IGSF22: variants seen among roughly 807,000 people sequenced by gnomAD.
IGSF22 encodes the protein immunoglobulin superfamily member 22, also known as immunoglobulin superfamily, member 22.
Under a neutral mutation model 127.0 loss-of-function variants are expected in IGSF22, and 119 were observed. The observed-to-expected ratio is 0.94, with a 90% confidence interval of 0.81 to 1.09. IGSF22 has a LOEUF of 1.09. Ranked by LOEUF, IGSF22 falls within the 50% of genes least tolerant of loss-of-function variation. The pLI, the probability that IGSF22 is intolerant of heterozygous loss-of-function variation, is 0.00. For missense variants in IGSF22, 1,518 were observed against 1,716.6 expected, an observed-to-expected ratio of 0.88 and a Z score of 2.04; for synonymous variants, 568 against 664.7, an observed-to-expected ratio of 0.85 and a Z score of 2.24.
At chr11:18,713,314 G>A (rs140706054) in intron 14 of IGSF22, among the ~76,000 whole-genome samples, 13 of 152,020 alleles carry the variant, frequency 8.6e-5, no homozygotes, top group East Asian at 1.9e-4. Context: ...CACTACGCTC[G>A]GCTAATTTTT....
intron 11 of IGSF22, among the ~76,000 whole-genome samples, chr11:18,715,157 T>C (rs1251414295): frequency 6.6e-6 from 1 of 151,946 alleles, no homozygotes; most frequent in African/African-American, 2.4e-5. Context: ...CTGGGGATGG[T>C]TAGAGTCTGA....
chr11:18,715,332 G>A lies in IGSF22; in HGVS notation c.1531+100C>T. ...GACACAAGTTGGTCATGGTCTACAG[G>A]AGGGTTGGAGTTAGTGGGAGGGGGG... On this transcript the variant is annotated intron_variant, in intron 11 of 22. Coordinates refer to ENST00000513874, the MANE Select transcript of IGSF22 (RefSeq NM_173588.4). The A allele has an allele frequency of 2.4e-6, 3 of 1,254,586 alleles. No individual in the cohort carries two copies. The South Asian group carries it at 4.0e-5, about 17-fold the overall frequency. The allele number at this position is 1,254,586 out of a possible 1,614,324, so 77.7% of individuals were successfully genotyped here.
chr11:18,724,201 C>T lies in IGSF22; in HGVS notation c.36G>A (p.Glu12=). Residue 12 remains glutamate, a synonymous_variant, in exon 2 of 23, where the codon GAG becomes GAA. Coordinates refer to ENST00000513874, the MANE Select transcript of IGSF22 (RefSeq NM_173588.4). ...AGCTGGAGAACTCCATGGACACGTG[C>T]TCCTGCAGCATCTGCCGGCTGTGAA... The part of the protein sequence containing the change: ...TTIHSRQMLQ[E]HVSMEFSSST... 6.2e-7 allele frequency: 1 copy of T among 1,613,962 alleles called. No individual in the cohort carries two copies. The highest frequency in any genetic ancestry group is 1.1e-5 in the South Asian group (1 of 91,042).
chr11:18,724,104 C>T, intron 2 of IGSF22, 24 bp downstream of exon 2: 1 of 1,584,950 alleles, frequency 6.3e-7, no homozygotes, highest in African/African-American at 1.3e-5. Flanking sequence ...TTCCCGATCC[C>T]TTCCCTGCCC....
At position 18,716,154 on chromosome 11, in the gene IGSF22, A is replaced by G. The variant is rs1387502232; in HGVS notation, c.1247-438T>C. ...CTGGGGATGTTCTCTACTCTCCCTC[A>G]TTCTTTGAAAGCGGAACTCCTTTTA... On this transcript the variant is annotated intron_variant, in intron 10 of 22. Coordinates refer to ENST00000513874, the MANE Select transcript of IGSF22 (RefSeq NM_173588.4). This position sits in a 1 kb window ranked among gnomAD's most constrained non-coding sequence, Gnocchi z 4.5. 6.6e-6 allele frequency among the ~76,000 whole-genome samples: 1 copy of G among 152,116 alleles called. No individual in the cohort carries two copies. Among genetic ancestry groups the G allele is most frequent in the Non-Finnish European group, 1.5e-5 (1 of 68,016 alleles).
chr11:18,707,697 C>T, intron 20 of IGSF22, 107 bp downstream of exon 20: 1 of 886,424 alleles, frequency 1.1e-6, no homozygotes, highest in Non-Finnish European at 1.7e-6. Context: ...ATCTTCATGG[C>T]CCTAAGGCAT....
In IGSF22 at chr11:18,708,230, G is replaced by C; in HGVS notation, c.3064C>G (p.Leu1022Val). 1 of 1,548,056 alleles carries C rather than the reference G, an allele frequency of 6.5e-7. No individual in the cohort carries two copies. Among genetic ancestry groups the C allele is most frequent in the South Asian group, 1.2e-5 (1 of 83,178 alleles). ...ACAGAGAAGGCTGCATGGATGCAGA[G>C]GGCTGTCCCAGCGCGAACCACCATG... ...SHMVVRAGTALCIHAAFSGSP... is the reference protein window; with the variant it reads ...SHMVVRAGTAVCIHAAFSGSP... Residue 1022 changes from leucine to valine, a missense_variant, in exon 19 of 23, where the codon CTC becomes GTC. Leu to Val is a conservative substitution (Grantham distance 32). Transcript: ENST00000513874.
At chr11:18,719,356 A>G (rs1447064120) in intron 7 of IGSF22, among the ~76,000 whole-genome samples, 5 of 150,814 alleles carry the variant, frequency 3.3e-5, no homozygotes, top group Admixed American at 3.3e-4. Flanking sequence ...TAGTAGAGAC[A>G]GGGTTTCATC....
Position 18,706,970 on chromosome 11 carries a change from ATTTCATT to A in IGSF22, c.3517_3523del (p.Asn1173SerfsTer23). On this transcript the variant is annotated frameshift_variant, in exon 21 of 23. Coordinates refer to ENST00000513874, the MANE Select transcript of IGSF22 (RefSeq NM_173588.4). LOFTEE classifies it high-confidence loss of function. ...GGAGTCAAGTGGCTCACTGTCACCGATTTCATTCCGAGCCACCACTCTGAAGTAGTAC... is the reference window on the plus strand; with the variant it reads ...GGAGTCAAGTGGCTCACTGTCACCGACCGAGCCACCACTCTGAAGTAGTAC... 1 of 1,543,374 alleles carries A rather than the reference ATTTCATT, an allele frequency of 6.5e-7. No individual in the cohort carries two copies. Among genetic ancestry groups the A allele is most frequent in the Non-Finnish European group, 8.8e-7 (1 of 1,142,266 alleles).
rs567276953 is a variant in IGSF22, at chr11:18,712,195, G to C, written c.2285C>G (p.Ser762Cys). The C allele has an allele frequency of 6.4e-5, 99 of 1,551,718 alleles. No homozygotes were observed. The East Asian group carries it at 2.4e-3, about 38-fold the overall frequency. The change falls in exon 15 of 23, where the codon TCC (serine) becomes TGC (cysteine). Residue 762 changes from serine (S) to cysteine (C), a missense_variant. Ser to Cys is a moderately radical substitution (Grantham distance 112). Coordinates refer to ENST00000513874, the MANE Select transcript of IGSF22 (RefSeq NM_173588.4). ...TTTTCCCTCTTCCACCTTGTTGGTG[G>C]AGAAGTTGGTGACTTTGCCGTCCAC... ...GEVDGKVTNFSTNKVEEGKAY... is the reference protein window; with the variant it reads ...GEVDGKVTNFCTNKVEEGKAY...
rs1848457746 is a variant in IGSF22 at position 18,716,036 on chromosome 11, GTCTT to G, written c.1247-324_1247-321del. 6.6e-6 allele frequency among the ~76,000 whole-genome samples: 1 copy of G among 152,124 alleles called. No homozygotes were observed. The highest frequency in any genetic ancestry group is 1.5e-5 in the Non-Finnish European group (1 of 68,040). Reference sequence around the variant, plus strand: ...TTGGAGCTCCAACCATACCTGCATTGTCTTTCTAATGTCTGGACATTTATACATG... The same window carrying G: ...TTGGAGCTCCAACCATACCTGCATTGTCTAATGTCTGGACATTTATACATG... On this transcript the variant is annotated intron_variant, in intron 10 of 22. Transcript: ENST00000513874. This position sits in a 1 kb window ranked among gnomAD's most constrained non-coding sequence, Gnocchi z 4.5.
In IGSF22 at chr11:18,718,040, C is replaced by CTGCT; in HGVS notation, c.860_863dup (p.Met289AlafsTer11). 6.2e-7 allele frequency: 1 copy of CTGCT among 1,614,216 alleles called. No individual in the cohort carries two copies. Among genetic ancestry groups the CTGCT allele is most frequent in the Non-Finnish European group, 8.5e-7 (1 of 1,180,040 alleles). Reference sequence around the variant, plus strand: ...TAACCAGCATGTACTTGGTGCCCATCTGCTTCACATCGTACTTGCCCAGGG... The same window carrying CTGCT: ...TAACCAGCATGTACTTGGTGCCCATCTGCTTGCTTCACATCGTACTTGCCCAGGG... On this transcript the variant is annotated frameshift_variant, in exon 9 of 23. Coordinates refer to ENST00000513874, the MANE Select transcript of IGSF22 (RefSeq NM_173588.4). LOFTEE classifies it high-confidence loss of function.
At position 18,710,265 on chromosome 11, in the gene IGSF22, C is replaced by A. The variant is rs1848326651; in HGVS notation, c.2701+62G>T. 4.4e-6 allele frequency: 7 copies of A among 1,589,552 alleles called. No homozygotes were observed. The Admixed American group carries it at 8.4e-5, about 19-fold the overall frequency. On this transcript the variant is annotated intron_variant, in intron 17 of 22. Transcript: ENST00000513874. The stretch of plus-strand genomic sequence containing the variant: ...GTCATACTTTCCCGGGGAAGAAATT[C>A]TTTCTCTACTTTGAATGGGCTAATT...
intron 20 of IGSF22, chr11:18,707,482 C>T (rs1848263279): frequency 1.3e-5 from 7 of 529,762 alleles, no homozygotes; most frequent in African/African-American, 9.4e-5. Context: ...AAGAGACTGG[C>T]ATGTAGTTAC....
In IGSF22 at chr11:18,719,728, T is replaced by G. The variant is rs1470388450; in HGVS notation, c.684A>C (p.Lys228Asn). The G allele has an allele frequency of 1.1e-5, 18 of 1,614,024 alleles. No individual in the cohort carries two copies. The highest frequency in any genetic ancestry group is 1.5e-5 in the Non-Finnish European group (18 of 1,180,036). The change falls in exon 7 of 23, where the codon AAA becomes AAC. Residue 228 changes from lysine (K) to asparagine (N), a missense_variant. Physicochemically the swap from Lys to Asn is moderately conservative, Grantham distance 94. This residue lies in a region of IGSF22 where 1,456 missense variants were observed against 1,644.9 expected (regional missense o/e 0.89). Coordinates refer to ENST00000513874, the MANE Select transcript of IGSF22 (RefSeq NM_173588.4). Reference protein sequence around the residue: ...LLRKLKEMKKKVEVEAIRILK... With the variant: ...LLRKLKEMKKNVEVEAIRILK... ...GCAGGGTACTTACCTCCACCTCTACTTTCTTCTTCATCTCTTTGAGCTTCC... is the reference window on the plus strand; with the variant it reads ...GCAGGGTACTTACCTCCACCTCTACGTTCTTCTTCATCTCTTTGAGCTTCC...
intron 19 of IGSF22, 58 bp from the exon 20 acceptor site, chr11:18,708,054 C>T (rs1848279912): frequency 4.4e-6 from 7 of 1,595,604 alleles, no homozygotes; most frequent in African/African-American, 2.7e-5. Context: ...GGGGGCAGGC[C>T]TTCCTCCATT....
intron 15 of IGSF22, among the ~76,000 whole-genome samples, chr11:18,711,042 C>A (rs946678878): frequency 1.3e-5 from 2 of 152,134 alleles, no homozygotes; most frequent in African/African-American, 4.8e-5. Flanking sequence ...TTCCGAAGTG[C>A]TGAGATTACA....
intron 2 of IGSF22, among the ~76,000 whole-genome samples, chr11:18,722,927 A>G (rs1311781462): frequency 6.6e-6 from 1 of 152,232 alleles, no homozygotes; most frequent in Non-Finnish European, 1.5e-5. Flanking sequence ...GATGTCTTTT[A>G]TGTGACCTCC....
At position 18,718,698 on chromosome 11, in the gene IGSF22, T is replaced by A; in HGVS notation, c.727A>T (p.Lys243Ter). The A allele has an allele frequency of 6.2e-7, 1 of 1,613,102 alleles. No individual in the cohort carries two copies. Among genetic ancestry groups the A allele is most frequent in the Non-Finnish European group, 8.5e-7 (1 of 1,179,078 alleles). The change falls in exon 8 of 23, where the codon AAA becomes TAA. Residue 243 changes from lysine to a stop codon, truncating the protein, a stop_gained. Transcript: ENST00000513874. LOFTEE classifies it high-confidence loss of function. ...AIRILKPLED[K>*]ETKVDTTVVF... ...ACTGTGGTGTCAACCTTGGTCTCTT[T>A]GTCTTCCAGGGGCTTCAGAATCCGG...
Sources: allele counts gnomAD v4.1 joint callset (sites outside exome capture counted in the v4.1 genomes callset), GRCh38; gene constraint gnomAD v4.1.1; regional missense constraint gnomAD v4.1.1; non-coding constraint Gnocchi (gnomAD v3.1); transcripts MANE v1.5; gene names NCBI Gene and HGNC (gene_info 2026-07-23, HGNC 2026-07-21).